FREM2: variants seen among roughly 807,000 people sequenced by gnomAD.
The protein encoded by FREM2 is FRAS1 related extracellular matrix 2.
A neutral mutation model predicts 219.9 loss-of-function variants in FREM2; 119 were observed. The observed-to-expected ratio is 0.54, with a 90% CI of 0.47 to 0.63. The LOEUF is 0.63. Among genes scored for constraint, FREM2 ranks in the 30% least tolerant of loss-of-function variants. The pLI is 0.00. For synonymous variants in FREM2, 1,562 were observed against 1,522.8 expected, an observed-to-expected ratio of 1.03 and a Z score of -0.60; for missense variants, 4,030 against 3,993.6, an observed-to-expected ratio of 1.01 and a Z score of -0.25.
At chr13:38,844,899 G>T (rs1877093888) in intron 6 of FREM2, among the ~76,000 whole-genome samples, 1 of 152,180 alleles carries the variant, frequency 6.6e-6, no homozygotes, top group African/African-American at 2.4e-5. Flanking sequence ...TCACCTTTGT[G>T]CCCTACCTCA....
chr13:38,811,495 G>T (rs1875473820), intron 6 of FREM2, among the ~76,000 whole-genome samples: 1 of 151,828 alleles, frequency 6.6e-6, no homozygotes, highest in African/African-American at 2.4e-5. Context: ...TTGGTATGTT[G>T]TGTTTCCATT....
chr13:38,750,853 C>A (rs1180039643), intron 2 of FREM2, among the ~76,000 whole-genome samples: 1 of 152,124 alleles, frequency 6.6e-6, no homozygotes, highest in African/African-American at 2.4e-5. Flanking sequence ...CCACCACACC[C>A]AACTGATTTT....
intron 6 of FREM2, among the ~76,000 whole-genome samples, chr13:38,789,771 A>G (rs1874484775): frequency 6.7e-6 from 1 of 150,202 alleles, no homozygotes; most frequent in Admixed American, 6.6e-5. Flanking sequence ...TTGACTTTCT[A>G]TCATGCTTTA....
intron 16 of FREM2, among the ~76,000 whole-genome samples, chr13:38,867,068 T>G (rs918896165): frequency 1.3e-5 from 2 of 152,226 alleles, no homozygotes; most frequent in African/African-American, 4.8e-5. Flanking sequence ...TTCCTATGAC[T>G]GCCAGCTAGA....
chr13:38,689,075 G>C lies in FREM2; in HGVS notation c.1731G>C (p.Val577=). Residue 577 remains valine, a synonymous_variant, in exon 1 of 24, where the codon GTG becomes GTC. Transcript: ENST00000280481. ...TGLTLAEGET[V]PILPLSLSAT... ...TGACACTGGCAGAGGGTGAAACAGTGCCCATCCTGCCCCTTTCCCTGAGTG... is the reference window on the plus strand; with the variant it reads ...TGACACTGGCAGAGGGTGAAACAGTCCCCATCCTGCCCCTTTCCCTGAGTG... 2 of 1,613,776 alleles carry C rather than the reference G, an allele frequency of 1.2e-6. No homozygotes were observed. Among genetic ancestry groups the C allele is most frequent in the Non-Finnish European group, 1.7e-6 (2 of 1,179,940 alleles).
At position 38,806,514 on chromosome 13, in the gene FREM2, C is replaced by CAGTATGCAATAGTCTATTA. The variant is rs766061306; in HGVS notation, c.6019+21720_6019+21738dup. 2.6e-5 allele frequency among the ~76,000 whole-genome samples: 4 copies of CAGTATGCAATAGTCTATTA among 152,056 alleles called. No individual in the cohort carries two copies. The South Asian group carries it at 8.3e-4, about 32-fold the overall frequency. ...CCCCGGCATGTAAAACTTATGCTTACAGTATGCAATAGTCTATTAAGTATG... is the reference window on the plus strand; with the variant it reads ...CCCCGGCATGTAAAACTTATGCTTACAGTATGCAATAGTCTATTAAGTATGCAATAGTCTATTAAGTATG... On this transcript the variant is annotated intron_variant, in intron 6 of 23. Coordinates refer to ENST00000280481, the MANE Select transcript of FREM2 (RefSeq NM_207361.6).
chr13:38,784,934 T>G, intron 6 of FREM2, 126 bp downstream of exon 6: 1 of 1,081,530 alleles, frequency 9.2e-7, no homozygotes, highest in South Asian at 1.6e-5. Context: ...GTTTGGTTTT[T>G]TCATATGATT....
At chr13:38,839,401 C>T (rs1876852674) in intron 6 of FREM2, among the ~76,000 whole-genome samples, 1 of 152,258 alleles carries the variant, frequency 6.6e-6, no homozygotes, top group East Asian at 1.9e-4. Context: ...TCTGTCAACC[C>T]CTGCTAGGAG....
intron 6 of FREM2, among the ~76,000 whole-genome samples, chr13:38,791,876 G>T (rs900001739): frequency 6.6e-6 from 1 of 152,358 alleles, no homozygotes; most frequent in Non-Finnish European, 1.5e-5. Flanking sequence ...AAAGTAAAGA[G>T]TGAGTGCACT....
At chr13:38,844,654 C>G (rs528362356) in intron 6 of FREM2, among the ~76,000 whole-genome samples, 1 of 152,192 alleles carries the variant, frequency 6.6e-6, no homozygotes, top group African/African-American at 2.4e-5. Flanking sequence ...GGGGAGGTAT[C>G]ATTGTTAAAT....
At chr13:38,725,342 G>T (rs1187401729) in intron 2 of FREM2, among the ~76,000 whole-genome samples, 1 of 151,964 alleles carries the variant, frequency 6.6e-6, no homozygotes, top group African/African-American at 2.4e-5. Flanking sequence ...GGTTTTAGGT[G>T]GTTGTCAGCC....
intron 2 of FREM2, among the ~76,000 whole-genome samples, chr13:38,720,425 T>C (rs1871179320): frequency 6.6e-6 from 1 of 152,138 alleles, no homozygotes; most frequent in Admixed American, 6.6e-5. Context: ...GCTATAGAAC[T>C]CACACATGCG....
chr13:38,859,381 T>C lies in FREM2; in HGVS notation c.7310T>C (p.Ile2437Thr), dbSNP rs1566169510. Residue 2437 changes from isoleucine to threonine, a missense_variant, in exon 14 of 24, where the codon ATT (isoleucine) becomes ACT (threonine). Physicochemically the swap from Ile to Thr is moderately conservative, Grantham distance 89 (BLOSUM62 -1). Coordinates refer to ENST00000280481, the MANE Select transcript of FREM2 (RefSeq NM_207361.6). Reference sequence around the variant, plus strand: ...ACTTTGACGCGGTACCGGTGGCTGATTAGTGCACCTGCGGGCCCTGACGGT... The same window carrying C: ...ACTTTGACGCGGTACCGGTGGCTGACTAGTGCACCTGCGGGCCCTGACGGT... ...NDTLTRYRWL[I>T]SAPAGPDGVT... 1 of 1,614,210 alleles carries C rather than the reference T, an allele frequency of 6.2e-7. No individual in the cohort carries two copies. Among genetic ancestry groups the C allele is most frequent in the Admixed American group, 1.7e-5 (1 of 60,034 alleles).
At chr13:38,713,446 A>G (rs1318013199) in intron 2 of FREM2, among the ~76,000 whole-genome samples, 2 of 152,182 alleles carry the variant, frequency 1.3e-5, no homozygotes, top group South Asian at 2.1e-4. Flanking sequence ...TCATGGATAT[A>G]TTATTATATG....
chr13:38,842,701 C>T lies in FREM2; in HGVS notation c.6020-3872C>T, dbSNP rs148538770. 1.6e-3 allele frequency among the ~76,000 whole-genome samples: 250 copies of T among 152,242 alleles called. 1 individual carries two copies. The highest frequency in any genetic ancestry group is 5.8e-3 in the African/African-American group (243 of 41,548). On this transcript the variant is annotated intron_variant, in intron 6 of 23. Coordinates refer to ENST00000280481, the MANE Select transcript of FREM2 (RefSeq NM_207361.6). The stretch of plus-strand genomic sequence containing the variant: ...CTCCAGATAGCAATTACTACTGGCA[C>T]CTCTTCCTTTCATCTCAGGAGACAC...
rs1566106276 is a variant in FREM2, at chr13:38,692,115, G to A, written c.4771G>A (p.Val1591Ile). 1 of 1,614,190 alleles carries A rather than the reference G, an allele frequency of 6.2e-7. No individual in the cohort carries two copies. The highest frequency in any genetic ancestry group is 1.7e-5 in the Admixed American group (1 of 60,026). The change falls in exon 1 of 24, where the codon GTT becomes ATT. Residue 1591 changes from valine (V) to isoleucine (I), a missense_variant. By Grantham distance (29) the Val-to-Ile change is conservative. This residue lies in a region of FREM2 where 3,102 missense variants were observed against 2,950.7 expected (regional missense o/e 1.05). Coordinates refer to ENST00000280481, the MANE Select transcript of FREM2 (RefSeq NM_207361.6). Reference protein sequence around the residue: ...LLFNNTRPVMVFTKQDLNENL... With the variant: ...LLFNNTRPVMIFTKQDLNENL... ...ATTCAACAATACCAGACCTGTCATG[G>A]TTTTTACCAAGCAAGACTTGAATGA...
rs746265965 is a variant in FREM2, at chr13:38,688,628, G to A, written c.1284G>A (p.Met428Ile). 28 of 1,614,032 alleles carry A rather than the reference G, an allele frequency of 1.7e-5. No homozygotes were observed. The Admixed American group carries it at 4.7e-4, about 27-fold the overall frequency. Residue 428 changes from methionine to isoleucine, a missense_variant, in exon 1 of 24, where the codon ATG becomes ATA. Met to Ile is a conservative substitution (Grantham distance 10). Coordinates refer to ENST00000280481, the MANE Select transcript of FREM2 (RefSeq NM_207361.6). ...EGAASDPFAF[M>I]VVVKPMNTMA... Reference sequence around the variant, plus strand: ...CAGCTTCAGACCCTTTTGCCTTCATGGTAGTGGTGAAGCCCATGAACACAA... The same window carrying A: ...CAGCTTCAGACCCTTTTGCCTTCATAGTAGTGGTGAAGCCCATGAACACAA...
intron 2 of FREM2, among the ~76,000 whole-genome samples, chr13:38,752,918 C>G (rs1438607083): frequency 1.3e-5 from 2 of 152,194 alleles, no homozygotes; most frequent in Non-Finnish European, 2.9e-5. Flanking sequence ...GGGGAGAAGT[C>G]TGGCGCCACA....
At chr13:38,778,746 C>T (rs951978357) in intron 4 of FREM2, among the ~76,000 whole-genome samples, 1 of 152,004 alleles carries the variant, frequency 6.6e-6, no homozygotes, top group African/African-American at 2.4e-5. Flanking sequence ...GCCATCGTGG[C>T]ACACATTTAT....
Sources: gnomAD v4.1 joint callset for allele counts (sites outside exome capture counted in the v4.1 genomes callset) on GRCh38, gnomAD v4.1.1 for gene constraint, gnomAD v4.1.1 regional missense constraint, MANE v1.5 for transcripts, NCBI Gene and HGNC (gene_info 2026-07-23, HGNC 2026-07-21) for gene names.